The following ZNF804B variants were observed in gnomAD, a reference collection of about 807,000 sequenced individuals.
The protein encoded by ZNF804B is zinc finger 804B.
A neutral mutation model predicts 101.4 loss-of-function variants in ZNF804B; 80 were observed. That is an observed-to-expected ratio of 0.79 (90% CI 0.66 to 0.95). The LOEUF (loss-of-function observed/expected upper bound fraction) is 0.95. Among genes scored for constraint, ZNF804B ranks in the 40% least tolerant of loss-of-function variants. ZNF804B has a pLI of 0.00. For synonymous variants in ZNF804B, 622 were observed against 558.8 expected (o/e 1.11, Z -1.59); for missense variants, 1,673 against 1,561.9 (o/e 1.07, Z -1.20).
At chr7:89,253,721 T>TA (rs1445911042) in intron 2 of ZNF804B, among the ~76,000 whole-genome samples, 4 of 151,844 alleles carry the variant, frequency 2.6e-5, no homozygotes, top group African/African-American at 9.7e-5. Flanking sequence ...TTATAAAAAA[T>TA]AAAAAATGTA....
intron 2 of ZNF804B, among the ~76,000 whole-genome samples, chr7:89,312,767 GA>G (rs766245789): frequency 6.7e-4 from 101 of 151,424 alleles, no homozygotes; most frequent in South Asian, 8.4e-4. Context: ...GCTGAAGAAG[GA>G]AGATTGCCTG....
intron 1 of ZNF804B, among the ~76,000 whole-genome samples, chr7:88,939,013 T>C (rs911907271): frequency 1.8e-4 from 27 of 151,996 alleles, no homozygotes; most frequent in African/African-American, 6.5e-4. Flanking sequence ...TAGTTTTGAG[T>C]GTCTAAAACA....
intron 1 of ZNF804B, among the ~76,000 whole-genome samples, chr7:89,091,640 A>T (rs1304327766): frequency 1.3e-5 from 2 of 152,190 alleles, no homozygotes; most frequent in Admixed American, 1.3e-4. Flanking sequence ...TAGACAATAC[A>T]TCCCACAAAG....
At chr7:88,954,561 C>CA (rs1554349347) in intron 1 of ZNF804B, among the ~76,000 whole-genome samples, 3 of 150,462 alleles carry the variant, frequency 2.0e-5, no homozygotes, top group Admixed American at 6.6e-5. Context: ...ACATGCCCCC[C>CA]CCCCACCACG....
chr7:88,851,981 T>C (rs1038369266), intron 1 of ZNF804B, among the ~76,000 whole-genome samples: 2 of 152,106 alleles, frequency 1.3e-5, no homozygotes, highest in Non-Finnish European at 2.9e-5. Flanking sequence ...TTGTTTTCCA[T>C]TGATAGTTTC....
intron 1 of ZNF804B, among the ~76,000 whole-genome samples, chr7:88,861,689 T>C (rs1046673314): frequency 1.1e-4 from 16 of 152,300 alleles, no homozygotes; most frequent in Non-Finnish European, 2.2e-4. Flanking sequence ...CTGCACTTAC[T>C]CTTTACAGTT....
chr7:89,327,520 T>G (rs377039367), intron 3 of ZNF804B, 46 bp downstream of exon 3: 30 of 1,580,924 alleles, frequency 1.9e-5, no homozygotes, highest in Non-Finnish European at 2.5e-5. Context: ...CTCGTCAACC[T>G]ATGGGGAAAT....
rs776392285 is a variant in ZNF804B, at chr7:89,335,106, T to A, written c.2124T>A (p.Tyr708Ter). The change falls in exon 4 of 4, where the codon TAT (tyrosine) becomes TAA (stop). Residue 708 changes from tyrosine to a stop codon, truncating the protein, a stop_gained. Coordinates refer to ENST00000333190, the MANE Select transcript of ZNF804B (RefSeq NM_181646.5). LOFTEE classifies it high-confidence loss of function. The stretch of plus-strand genomic sequence containing the variant: ...CTCCACAGTCATGTTTGAGTAGATA[T>A]TCTTCCTCTTTGGACACATCCCCTA... ...RYSPQSCLSR[Y>*]SSSLDTSPSS... The A allele has an allele frequency of 7.4e-6, 12 of 1,613,864 alleles. No homozygotes were observed. The highest frequency in any genetic ancestry group is 1.0e-5 in the Non-Finnish European group (12 of 1,179,908).
chr7:88,822,090 C>A (rs1231738873), intron 1 of ZNF804B, among the ~76,000 whole-genome samples: 1 of 152,134 alleles, frequency 6.6e-6, no homozygotes, highest in Non-Finnish European at 1.5e-5. Flanking sequence ...GATTGTGGGA[C>A]TGTAAGACCA....
intron 3 of ZNF804B, among the ~76,000 whole-genome samples, chr7:89,329,634 C>T (rs114960692): frequency 6.9e-4 from 105 of 151,740 alleles, no homozygotes; most frequent in African/African-American, 2.5e-3. Context: ...CGTCTCTTAA[C>T]TAGTTCCAGC....
chr7:88,768,632 C>T (rs1352742022), intron 1 of ZNF804B, among the ~76,000 whole-genome samples: 9 of 152,294 alleles, frequency 5.9e-5, no homozygotes, highest in Admixed American at 2.6e-4. Context: ...GCCGGAGAAT[C>T]GCTTGAAACT....
At chr7:88,977,980 C>T (rs557512678) in intron 1 of ZNF804B, among the ~76,000 whole-genome samples, 6 of 151,504 alleles carry the variant, frequency 4.0e-5, no homozygotes, top group Admixed American at 6.6e-5. Context: ...TTAATTTCTT[C>T]GTTGACTCAG....
Position 89,045,869 on chromosome 7 carries a change from G to A in ZNF804B, c.109-172286G>A, listed in dbSNP as rs547376026. ...GCTGGAATTAGCTAAGACATTGTGG[G>A]AATGTTGGAAAGGGCACAATTATCT... On this transcript the variant is annotated intron_variant, in intron 1 of 3. Transcript: ENST00000333190. 2.6e-5 allele frequency among the ~76,000 whole-genome samples: 4 copies of A among 152,080 alleles called. No homozygotes were observed. In the South Asian group the frequency reaches 8.3e-4, roughly 31 times the overall value.
intron 1 of ZNF804B, among the ~76,000 whole-genome samples, chr7:89,209,349 C>A (rs967712558): frequency 5.9e-5 from 9 of 152,086 alleles, no homozygotes; most frequent in Admixed American, 4.6e-4. Flanking sequence ...TGGCTGACAT[C>A]ACACCTTACC....
intron 1 of ZNF804B, among the ~76,000 whole-genome samples, chr7:88,813,130 TATA>T (rs1790816234): frequency 6.6e-6 from 1 of 152,008 alleles, no homozygotes; most frequent in African/African-American, 2.4e-5. Context: ...CCATAAATCT[TATA>T]TAGAGTTTTA....
intron 1 of ZNF804B, among the ~76,000 whole-genome samples, chr7:89,142,735 T>G (rs1005504855): frequency 6.6e-6 from 1 of 152,042 alleles, no homozygotes; most frequent in African/African-American, 2.4e-5. Context: ...ATGTTTATGA[T>G]GTTGGCTATT....
At chr7:88,860,195 A>T (rs1030254517) in intron 1 of ZNF804B, among the ~76,000 whole-genome samples, 2 of 152,100 alleles carry the variant, frequency 1.3e-5, no homozygotes, top group Non-Finnish European at 2.9e-5. Flanking sequence ...AGAGTATTAC[A>T]ATATAAAATA....
At chr7:89,120,294 CAAAG>C (rs1383214632) in intron 1 of ZNF804B, among the ~76,000 whole-genome samples, 3 of 149,146 alleles carry the variant, frequency 2.0e-5, no homozygotes, top group African/African-American at 4.9e-5. Context: ...ATCTAAAAAA[CAAAG>C]AAAGAAAACC....
intron 2 of ZNF804B, among the ~76,000 whole-genome samples, chr7:89,269,376 C>A (rs1164028525): frequency 6.6e-6 from 1 of 152,142 alleles, no homozygotes; most frequent in African/African-American, 2.4e-5. Context: ...ATCCATGTCC[C>A]TACAAAGGAC....
Sources: allele counts gnomAD v4.1 joint callset (sites outside exome capture counted in the v4.1 genomes callset), GRCh38; gene constraint gnomAD v4.1.1; transcripts MANE v1.5; gene names NCBI Gene and HGNC (gene_info 2026-07-23, HGNC 2026-07-21).